SLC12A2: variants seen among roughly 807,000 people sequenced by gnomAD.
SLC12A2 encodes Na-K-2Cl cotransporter 1.
SLC12A2 carries 67 observed loss-of-function variants against 136.3 expected under a neutral mutation model. The observed-to-expected ratio is 0.49, with a 90% confidence interval of 0.40 to 0.60. SLC12A2 has a LOEUF of 0.60. SLC12A2 is among the 20% of genes least tolerant of loss of function. SLC12A2 has a pLI of 0.00. For missense variants in SLC12A2, 1,322 were observed against 1,534.7 expected, an observed-to-expected ratio of 0.86 and a Z score of 2.32; for synonymous variants, 619 against 562.9, an observed-to-expected ratio of 1.10 and a Z score of -1.41.
At chr5:128,166,196 A>G (rs1003096670) in intron 17 of SLC12A2, among the ~76,000 whole-genome samples, 5 of 152,142 alleles carry the variant, frequency 3.3e-5, no homozygotes, top group African/African-American at 1.2e-4. Context: ...AAAATGACAT[A>G]TGTCACAAAT....
At position 128,083,792 on chromosome 5, in the gene SLC12A2, G is replaced by C. The variant is rs954702069; in HGVS notation, c.-163G>C. On this transcript the variant is annotated 5_prime_UTR_variant, in exon 1 of 27. Coordinates refer to ENST00000262461, the MANE Select transcript of SLC12A2 (RefSeq NM_001046.3). Reference sequence around the variant, plus strand: ...CACTCGCGCGCTCGCTCGGCTGCCGGTGGCCTCTGTGGCCGTCCAGGCTAG... The same window carrying C: ...CACTCGCGCGCTCGCTCGGCTGCCGCTGGCCTCTGTGGCCGTCCAGGCTAG... 2.2e-5 allele frequency: 10 copies of C among 455,062 alleles called. No homozygotes were observed. Among genetic ancestry groups the C allele is most frequent in the African/African-American group, 2.0e-4 (10 of 48,936 alleles). 28.2% of individuals were successfully genotyped at this position (455,062 alleles called of 1,614,324 possible). A position where few individuals can be genotyped will look rare whatever the true frequency, so the allele number is the denominator to read the frequency against.
Position 128,083,835 on chromosome 5 carries a change from C to T in SLC12A2, c.-120C>T, listed in dbSNP as rs1448247163. ...CAGGCTAGCGGCGGCCCGCAGGCGG[C>T]GGGGAGAAAGACTCTCTCACCTGGT... On this transcript the variant is annotated 5_prime_UTR_variant, in exon 1 of 27. Coordinates refer to ENST00000262461, the MANE Select transcript of SLC12A2 (RefSeq NM_001046.3). 10 of 757,068 alleles carry T rather than the reference C, an allele frequency of 1.3e-5. No homozygotes were observed. The highest frequency in any genetic ancestry group is 4.5e-5 in the Admixed American group (1 of 22,258). The allele number at this position is 757,068 out of a possible 1,614,324, so 46.9% of individuals were successfully genotyped here.
intron 16 of SLC12A2, among the ~76,000 whole-genome samples, chr5:128,158,676 G>A (rs1762939047): frequency 6.6e-6 from 1 of 152,130 alleles, no homozygotes; most frequent in South Asian, 2.1e-4. Context: ...GCATGCATGT[G>A]TCTTTATGGT....
chr5:128,112,416 T>C (rs1761183801), intron 1 of SLC12A2, among the ~76,000 whole-genome samples: 1 of 152,212 alleles, frequency 6.6e-6, no homozygotes, highest in South Asian at 2.1e-4. Flanking sequence ...GTTGTTAATG[T>C]TGAAATTTCA....
chr5:128,094,959 C>T (rs1254897277), intron 1 of SLC12A2, among the ~76,000 whole-genome samples: 1 of 152,130 alleles, frequency 6.6e-6, no homozygotes, highest in East Asian at 1.9e-4. Flanking sequence ...TCCATCATCA[C>T]AGAAAGATAT....
intron 10 of SLC12A2, 73 bp from the exon 11 acceptor site, chr5:128,147,549 A>AC: frequency 1.1e-6 from 1 of 917,764 alleles, no homozygotes. Context: ...TCAAGATGTG[A>AC]CCACATAATA....
At chr5:128,154,387 A>G (rs1762808448) in intron 15 of SLC12A2, among the ~76,000 whole-genome samples, 1 of 151,954 alleles carries the variant, frequency 6.6e-6, no homozygotes, top group Non-Finnish European at 1.5e-5. Flanking sequence ...ACTACATGCT[A>G]GCCTGGGCAA....
chr5:128,179,541 G>A (rs13175996), intron 22 of SLC12A2, among the ~76,000 whole-genome samples: 5,588 of 152,264 alleles, frequency 0.037, 151 homozygotes, highest in Non-Finnish European at 0.057. Context: ...GCATGGTCCT[G>A]ACATCACTCA....
intron 10 of SLC12A2, 134 bp downstream of exon 10, chr5:128,142,115 T>G: frequency 1.3e-6 from 1 of 775,084 alleles, no homozygotes; most frequent in Non-Finnish European, 2.0e-6. Flanking sequence ...TTTTTAATTT[T>G]TTCTTGAGAT....
At chr5:128,085,992 C>A (rs1760086861) in intron 1 of SLC12A2, among the ~76,000 whole-genome samples, 1 of 152,138 alleles carries the variant, frequency 6.6e-6, no homozygotes, top group African/African-American at 2.4e-5. Context: ...TAGTTTCTAT[C>A]AAGTCTATTC....
Position 128,188,755 on chromosome 5 carries a change from T to C in SLC12A2, c.*2124T>C, listed in dbSNP as rs920318427. 6.7e-6 allele frequency: 1 copy of C among 149,090 alleles called. No homozygotes were observed. Among genetic ancestry groups the C allele is most frequent in the African/African-American group, 2.5e-5 (1 of 39,742 alleles). The allele number at this position is 149,090 out of a possible 1,614,324, so 9.2% of individuals were successfully genotyped here. On this transcript the variant is annotated 3_prime_UTR_variant, in exon 27 of 27. Coordinates refer to ENST00000262461, the MANE Select transcript of SLC12A2 (RefSeq NM_001046.3). ...TTTCTAAAAAAAAAAAAAAAAAAAA[T>C]TTCTACATTATAACTCACAGCATTG... is the stretch of plus-strand genomic sequence containing the variant.
intron 4 of SLC12A2, among the ~76,000 whole-genome samples, chr5:128,125,947 GT>G (rs1761776597): frequency 6.6e-6 from 1 of 152,002 alleles, no homozygotes; most frequent in African/African-American, 2.4e-5. Context: ...TTATTGAGTT[GT>G]TTTTGATACC....
chr5:128,115,269 C>T (rs553844517), intron 4 of SLC12A2, among the ~76,000 whole-genome samples: 2 of 152,108 alleles, frequency 1.3e-5, no homozygotes, highest in South Asian at 2.1e-4. Context: ...GGATTACAGA[C>T]GTGCACCACC....
chr5:128,143,985 T>C (rs1049619559), intron 10 of SLC12A2, among the ~76,000 whole-genome samples: 11 of 151,526 alleles, frequency 7.3e-5, no homozygotes, highest in South Asian at 2.1e-4. Context: ...GTTACAAATA[T>C]TGAACCCAAT....
In SLC12A2 at chr5:128,178,652, G is replaced by T. The variant is rs747879416; in HGVS notation, c.3063G>T (p.Lys1021Asn). 4.4e-6 allele frequency: 7 copies of T among 1,595,242 alleles called. No homozygotes were observed. Among genetic ancestry groups the T allele is most frequent in the East Asian group, 2.3e-5 (1 of 44,094 alleles). Residue 1021 changes from lysine (K) to asparagine (N), a missense_variant, in exon 22 of 27, where the codon AAG becomes AAT. Transcript: ENST00000262461. ...ASTQFQKKQG[K>N]NTIDVWWLFD... ...CACAGTTTCAGAAAAAACAAGGAAA[G>T]AATACTATTGATGTCTGGTGGCTTT...
rs527391448 is a variant in SLC12A2, at chr5:128,186,741, T to G, written c.*110T>G. On this transcript the variant is annotated 3_prime_UTR_variant, in exon 27 of 27. Coordinates refer to ENST00000262461, the MANE Select transcript of SLC12A2 (RefSeq NM_001046.3). ...ACAATGGCGAATGGTGACTTTTCTT[T>G]CACGATTTCATTAATTTGAAAGCAC... The G allele has an allele frequency of 2.0e-5, 23 of 1,167,796 alleles. No homozygotes were observed. The South Asian group carries it at 3.3e-4, about 17-fold the overall frequency. The allele number at this position is 1,167,796 out of a possible 1,614,324, so 72.3% of individuals were successfully genotyped here. A position where few individuals can be genotyped will look rare whatever the true frequency, so the allele number is the denominator to read the frequency against.
At position 128,083,993 on chromosome 5, in the gene SLC12A2, G is replaced by A; in HGVS notation, c.39G>A (p.Pro13=). The change falls in exon 1 of 27, where the codon CCG becomes CCA. Residue 13 remains proline (P), a synonymous_variant. Transcript: ENST00000262461. ...PRPTAPSSGA[P]GLAGVGETPS... ...CCACGGCGCCCTCCTCCGGCGCCCC[G>A]GGACTGGCCGGGGTCGGGGAGACGC... 1 of 1,247,718 alleles carries A rather than the reference G, an allele frequency of 8.0e-7. No homozygotes were observed. Among genetic ancestry groups the A allele is most frequent in the South Asian group, 3.2e-5 (1 of 31,720 alleles). The allele number at this position is 1,247,718 out of a possible 1,614,324, so 77.3% of individuals were successfully genotyped here.
chr5:128,083,923 G>T lies in SLC12A2; in HGVS notation c.-32G>T. 8.2e-7 allele frequency: 1 copy of T among 1,220,708 alleles called. No individual in the cohort carries two copies. The highest frequency in any genetic ancestry group is 1.0e-6 in the Non-Finnish European group (1 of 980,500). The allele number at this position is 1,220,708 out of a possible 1,614,324, so 75.6% of individuals were successfully genotyped here. On this transcript the variant is annotated 5_prime_UTR_variant, in exon 1 of 27. Coordinates refer to ENST00000262461, the MANE Select transcript of SLC12A2 (RefSeq NM_001046.3). ...GGCGTGCTGCCGGAGACGTCCGCCGGGCTCTGCAGTTCCGCCGGGGGTCGG... is the reference window on the plus strand; with the variant it reads ...GGCGTGCTGCCGGAGACGTCCGCCGTGCTCTGCAGTTCCGCCGGGGGTCGG...
chr5:128,184,732 C>T, intron 25 of SLC12A2, 57 bp from the exon 26 acceptor site: 1 of 1,608,086 alleles, frequency 6.2e-7, no homozygotes, highest in Non-Finnish European at 8.5e-7. Flanking sequence ...GTTTTATGAA[C>T]CATGCTAAAT....
Sources: allele counts gnomAD v4.1 joint callset (sites outside exome capture counted in the v4.1 genomes callset), GRCh38; gene constraint gnomAD v4.1.1; transcripts MANE v1.5; gene names NCBI Gene and HGNC (gene_info 2026-07-23, HGNC 2026-07-21).